PCSK5: variants seen among roughly 807,000 people sequenced by gnomAD.
PCSK5 encodes proprotein convertase subtilisin/kexin type 5.
A neutral mutation model predicts 233.2 loss-of-function variants in PCSK5; 129 were observed. The ratio of observed to expected loss-of-function variants is 0.55; its 90% CI spans 0.48 to 0.64. The LOEUF (loss-of-function observed/expected upper bound fraction) is 0.64. Among genes scored for constraint, PCSK5 ranks in the 30% least tolerant of loss-of-function variants. PCSK5 has a pLI of 0.00. For synonymous variants in PCSK5, 825 were observed against 879.2 expected, an observed-to-expected ratio of 0.94 and a Z score of 1.09; for missense variants, 2,076 against 2,430.1, an observed-to-expected ratio of 0.85 and a Z score of 3.06.
At chr9:76,354,893 T>C (rs1830259099) in intron 37 of PCSK5, among the ~76,000 whole-genome samples, 1 of 152,204 alleles carries the variant, frequency 6.6e-6, no homozygotes, top group South Asian at 2.1e-4. Context: ...CTTTTTTTAT[T>C]CTTCCCTCTT....
intron 3 of PCSK5, among the ~76,000 whole-genome samples, chr9:76,017,912 A>G (rs374318776): frequency 6.6e-4 from 100 of 151,652 alleles, no homozygotes; most frequent in African/African-American, 2.1e-3. Flanking sequence ...GTATACCTCA[A>G]AAAGAACCCA....
At chr9:75,929,827 G>A (rs565143241) in intron 1 of PCSK5, among the ~76,000 whole-genome samples, 1 of 151,798 alleles carries the variant, frequency 6.6e-6, no homozygotes, top group African/African-American at 2.4e-5. Flanking sequence ...AGGGCCAAGC[G>A]ACAGGGGTTT....
chr9:76,329,553 G>A (rs1829466720), intron 33 of PCSK5, among the ~76,000 whole-genome samples: 1 of 151,880 alleles, frequency 6.6e-6, no homozygotes, highest in South Asian at 2.1e-4. Flanking sequence ...ATACAGTCTT[G>A]GCTGGGCACG....
chr9:76,328,916 G>A (rs1320555228), intron 33 of PCSK5, among the ~76,000 whole-genome samples: 1 of 150,864 alleles, frequency 6.6e-6, no homozygotes, highest in Non-Finnish European at 1.5e-5. Flanking sequence ...TCAAGCAATT[G>A]TCATGCCTCA....
At chr9:76,341,964 T>C (rs1225227350) in intron 35 of PCSK5, among the ~76,000 whole-genome samples, 1 of 152,180 alleles carries the variant, frequency 6.6e-6, no homozygotes, top group Non-Finnish European at 1.5e-5. Context: ...TTAGTTCCTA[T>C]TTTGGTAGAA....
intron 20 of PCSK5, among the ~76,000 whole-genome samples, chr9:76,211,591 T>C (rs1464285541): frequency 2.0e-5 from 3 of 152,204 alleles, no homozygotes; most frequent in African/African-American, 7.2e-5. Context: ...CTCACACCTG[T>C]AATCCCAGCA....
At chr9:75,997,504 A>G (rs1396554766) in intron 3 of PCSK5, among the ~76,000 whole-genome samples, 1 of 152,214 alleles carries the variant, frequency 6.6e-6, no homozygotes, top group Non-Finnish European at 1.5e-5. Context: ...TAAGGTTGAG[A>G]TTGTAGACTG....
intron 35 of PCSK5, among the ~76,000 whole-genome samples, chr9:76,339,808 G>A (rs1011441451): frequency 6.6e-6 from 1 of 152,110 alleles, no homozygotes; most frequent in South Asian, 2.1e-4. Flanking sequence ...CTCCCAAAGT[G>A]CTGGGATTAC....
chr9:76,100,071 G>T (rs1382669523), intron 8 of PCSK5, among the ~76,000 whole-genome samples: 2 of 152,148 alleles, frequency 1.3e-5, no homozygotes, highest in Non-Finnish European at 2.9e-5. Flanking sequence ...AAAACATAAG[G>T]AAGTCCCTGT....
At chr9:76,220,525 T>C (rs1435032371) in intron 20 of PCSK5, among the ~76,000 whole-genome samples, 1 of 28,426 alleles carries the variant, frequency 3.5e-5, no homozygotes, top group East Asian at 1.2e-3. Flanking sequence ...AGACTCTGTC[T>C]CAAAAAAAAA....
rs71372041 is a variant in PCSK5, at chr9:76,046,160, G to GTTTTTTTTTTTTTTTTTTTTT, written c.632+19138_632+19158dup. 1.6e-4 allele frequency among the ~76,000 whole-genome samples: 9 copies of GTTTTTTTTTTTTTTTTTTTTT among 58,038 alleles called. 2 individuals carry two copies. Among genetic ancestry groups the GTTTTTTTTTTTTTTTTTTTTT allele is most frequent in the Non-Finnish European group, 2.5e-4 (8 of 31,964 alleles). The allele number at this position is 58,038 out of a possible 152,430, so 38.1% of individuals were successfully genotyped here. ...GCATTAACACATAATTTTTTCTTTT[G>GTTTTTTTTTTTTTTTTTTTTT]TTTTTTTTTTTTTTTTTTTTTTTTT... On this transcript the variant is annotated intron_variant, in intron 5 of 37. Coordinates refer to ENST00000674117, the MANE Select transcript of PCSK5 (RefSeq NM_001372043.1).
intron 3 of PCSK5, among the ~76,000 whole-genome samples, chr9:75,993,460 A>G (rs1333751572): frequency 6.6e-6 from 1 of 152,206 alleles, no homozygotes; most frequent in Non-Finnish European, 1.5e-5. Flanking sequence ...GTTGTACTGA[A>G]TATTGAGCCT....
At chr9:76,332,927 A>G (rs1009110630) in intron 34 of PCSK5, among the ~76,000 whole-genome samples, 1 of 152,204 alleles carries the variant, frequency 6.6e-6, no homozygotes, top group Non-Finnish European at 1.5e-5. Context: ...CTGTAATCCC[A>G]ACTACGTGGG....
chr9:76,041,416 G>C (rs1402282065), intron 5 of PCSK5, among the ~76,000 whole-genome samples: 3 of 152,126 alleles, frequency 2.0e-5, no homozygotes, highest in African/African-American at 7.2e-5. Flanking sequence ...TGGAACAAAA[G>C]GCATCCTCTT....
intron 24 of PCSK5, among the ~76,000 whole-genome samples, chr9:76,273,575 A>ATATATATATATATATATATATT: frequency 2.4e-5 from 1 of 41,662 alleles, no homozygotes; most frequent in East Asian, 8.1e-4. Context: ...ATATATATAT[A>ATATATATATATATATATATATT]CATATATATA....
chr9:76,281,186 T>C (rs879278706), intron 24 of PCSK5, among the ~76,000 whole-genome samples: 3 of 152,236 alleles, frequency 2.0e-5, no homozygotes, highest in African/African-American at 4.8e-5. Context: ...AAACAACAGA[T>C]TTCCAGTTTA....
intron 13 of PCSK5, among the ~76,000 whole-genome samples, chr9:76,172,845 C>T (rs10122774): frequency 0.59 from 89,093 of 151,946 alleles, 26,775 homozygotes; most frequent in African/African-American, 0.64. Context: ...TGTGAAAAGC[C>T]TGGTCATTAA....
chr9:76,063,265 T>A (rs1830098131), intron 5 of PCSK5, among the ~76,000 whole-genome samples: 1 of 150,916 alleles, frequency 6.6e-6, no homozygotes, highest in African/African-American at 2.4e-5. Flanking sequence ...CTCCTGAGTA[T>A]GTAGGACAAC....
chr9:76,128,367 G>T (rs1439163911), intron 9 of PCSK5, among the ~76,000 whole-genome samples: 1 of 152,150 alleles, frequency 6.6e-6, no homozygotes, highest in African/African-American at 2.4e-5. Context: ...GAGACCTGGT[G>T]GAAAGCTTCA....
Sources: allele counts gnomAD v4.1 joint callset (sites outside exome capture counted in the v4.1 genomes callset), GRCh38; gene constraint gnomAD v4.1.1; transcripts MANE v1.5; gene names NCBI Gene and HGNC (gene_info 2026-07-23, HGNC 2026-07-21).